Variants in RPAP3 observed in about 807,000 individuals in gnomAD.
RPAP3 encodes the protein RNA polymerase II-associated protein 3.
In RPAP3, 58 loss-of-function variants were observed where a neutral mutation model predicts 88.8. The ratio of observed to expected loss-of-function variants is 0.65; its 90% CI spans 0.53 to 0.81. The LOEUF is 0.81. Among genes scored for constraint, RPAP3 ranks in the 40% least tolerant of loss-of-function variants. RPAP3 has a pLI of 0.00. For missense variants in RPAP3, 751 were observed against 764.3 expected (o/e 0.98, Z 0.20); for synonymous variants, 255 against 259.9 (o/e 0.98, Z 0.18).
At chr12:47,672,329 T>C (rs1939015783) in intron 12 of RPAP3, among the ~76,000 whole-genome samples, 1 of 152,222 alleles carries the variant, frequency 6.6e-6, no homozygotes, top group Non-Finnish European at 1.5e-5. Context: ...TTCTCTACTT[T>C]CCGTAGTCTT....
chr12:47,673,198 T>A (rs1939035761), intron 12 of RPAP3, among the ~76,000 whole-genome samples: 1 of 151,972 alleles, frequency 6.6e-6, no homozygotes, highest in South Asian at 2.1e-4. Context: ...ATCCTAGCAC[T>A]TTGGGAGGCC....
chr12:47,669,043 T>C lies in RPAP3; in HGVS notation c.1586A>G (p.Glu529Gly). The C allele has an allele frequency of 6.2e-7, 1 of 1,614,024 alleles. No individual in the cohort carries two copies. ...AAACTGAGCAGGTTTTTGTTCTATC[T>C]CTATGGGCATTTTCTCGCTGTAAGA... ...CQSYSEKMPI[E>G]IEQKPAQFAT... Residue 529 changes from glutamate (E) to glycine (G), a missense_variant, in exon 14 of 17, where the codon GAG becomes GGG. Transcript: ENST00000005386.
At chr12:47,700,564 C>T (rs537189107) in intron 3 of RPAP3, among the ~76,000 whole-genome samples, 2 of 152,280 alleles carry the variant, frequency 1.3e-5, no homozygotes, top group South Asian at 2.1e-4. Flanking sequence ...CACATCAACC[C>T]TTAAAGTAGA....
chr12:47,667,913 A>G (rs1432611982), intron 14 of RPAP3, 62 bp from the exon 15 acceptor site: 4 of 1,068,936 alleles, frequency 3.7e-6, no homozygotes, highest in Non-Finnish European at 5.6e-6. Context: ...CAAATTACAC[A>G]ACAATTGCTT....
chr12:47,677,750 CA>C (rs1191194072), intron 12 of RPAP3, among the ~76,000 whole-genome samples: 2 of 152,060 alleles, frequency 1.3e-5, no homozygotes, highest in Non-Finnish European at 2.9e-5. Context: ...TAAAAGAGGA[CA>C]CAAACAAATG....
intron 3 of RPAP3, chr12:47,700,002 T>C (rs1939625673): frequency 6.7e-6 from 1 of 150,330 alleles, no homozygotes; most frequent in Non-Finnish European, 1.5e-5. Context: ...TTTTTTTTTT[T>C]TTTTTTTTTG....
chr12:47,668,466 A>G (rs535333522), intron 14 of RPAP3, among the ~76,000 whole-genome samples: 2 of 152,336 alleles, frequency 1.3e-5, no homozygotes, highest in South Asian at 2.1e-4. Context: ...GTAATTTTAT[A>G]TTGCATAATT....
At chr12:47,675,505 A>G (rs1002046357) in intron 12 of RPAP3, among the ~76,000 whole-genome samples, 3 of 152,246 alleles carry the variant, frequency 2.0e-5, no homozygotes, top group African/African-American at 7.2e-5. Flanking sequence ...GACCCATCTC[A>G]CGTGCAAAGA....
intron 12 of RPAP3, among the ~76,000 whole-genome samples, chr12:47,672,058 G>A (rs1286567162): frequency 6.6e-6 from 1 of 151,706 alleles, no homozygotes; most frequent in Non-Finnish European, 1.5e-5. Context: ...AACAGGTGAA[G>A]TTTTGACATC....
At chr12:47,686,559 C>T (rs1187358294) in intron 9 of RPAP3, among the ~76,000 whole-genome samples, 1 of 151,602 alleles carries the variant, frequency 6.6e-6, no homozygotes, top group African/African-American at 2.4e-5. Context: ...CACACACACA[C>T]ACACACACAC....
intron 11 of RPAP3, 22 bp from the exon 12 acceptor site, chr12:47,679,616 C>T (rs759490830): frequency 1.3e-6 from 2 of 1,542,182 alleles, no homozygotes; most frequent in South Asian, 1.2e-5. Flanking sequence ...ATTTATAACC[C>T]TAACTTTCAA....
intron 15 of RPAP3, among the ~76,000 whole-genome samples, chr12:47,667,513 A>G (rs959118061): frequency 4.6e-5 from 7 of 152,248 alleles, no homozygotes; most frequent in African/African-American, 1.7e-4. Flanking sequence ...CATTGGAAAT[A>G]GCATAGCATC....
chr12:47,686,565 C>CACAA (rs1242796304), intron 9 of RPAP3, among the ~76,000 whole-genome samples: 2 of 151,734 alleles, frequency 1.3e-5, no homozygotes, highest in Non-Finnish European at 2.9e-5. Flanking sequence ...CACACACACA[C>CACAA]ACACACACAC....
At chr12:47,681,550 A>G in intron 10 of RPAP3, 146 bp downstream of exon 10, 1 of 806,088 alleles carries the variant, frequency 1.2e-6, no homozygotes, top group South Asian at 1.9e-5. Flanking sequence ...CATTCCTCCA[A>G]ATCTATTCGT....
intron 3 of RPAP3, among the ~76,000 whole-genome samples, 163 bp from the exon 4 acceptor site, chr12:47,697,882 C>G (rs937935738): frequency 6.6e-5 from 10 of 152,070 alleles, no homozygotes; most frequent in African/African-American, 2.4e-4. Context: ...AAGATTATAT[C>G]CAGAGAAAAA....
At chr12:47,679,294 G>A (rs1433468957) in intron 12 of RPAP3, among the ~76,000 whole-genome samples, 199 bp downstream of exon 12, 1 of 152,102 alleles carries the variant, frequency 6.6e-6, no homozygotes, top group Non-Finnish European at 1.5e-5. Context: ...AATACCTAAT[G>A]TAAATGATGA....
rs1241665753 is a variant in RPAP3, at chr12:47,697,675, C to T, written c.339G>A (p.Glu113=). 2 of 1,609,746 alleles carry T rather than the reference C, an allele frequency of 1.2e-6. No individual in the cohort carries two copies. Among genetic ancestry groups the T allele is most frequent in the Non-Finnish European group, 1.7e-6 (2 of 1,177,924 alleles). The part of the protein sequence containing the change: ...DELDKDDSTH[E]SLSQESESEE... ...CCGACTCTGATTCTTGAGACAGAGA[C>T]TCATGGGTACTATCGTCTTTGTCAA... Residue 113 remains glutamate (E), a synonymous_variant, in exon 4 of 17, where the codon GAG becomes GAA. Coordinates refer to ENST00000005386, the MANE Select transcript of RPAP3 (RefSeq NM_024604.3).
chr12:47,689,392 T>G (rs1342140773), intron 6 of RPAP3, among the ~76,000 whole-genome samples, 197 bp from the exon 7 acceptor site: 1 of 152,144 alleles, frequency 6.6e-6, no homozygotes, highest in Non-Finnish European at 1.5e-5. Flanking sequence ...CCAGGCTGAG[T>G]GCAGTGGCGC....
Position 47,697,689 on chromosome 12 carries a change from C to A in RPAP3, c.325G>T (p.Asp109Tyr). The change falls in exon 4 of 17, where the codon GAT becomes TAT. Residue 109 changes from aspartate (D) to tyrosine (Y), a missense_variant. Coordinates refer to ENST00000005386, the MANE Select transcript of RPAP3 (RefSeq NM_024604.3). ...DRILDELDKD[D>Y]STHESLSQES... The stretch of plus-strand genomic sequence containing the variant: ...TGAGACAGAGACTCATGGGTACTAT[C>A]GTCTTTGTCAAGCTCATCAAGGATA... 4 of 1,607,178 alleles carry A rather than the reference C, an allele frequency of 2.5e-6. No homozygotes were observed. The highest frequency in any genetic ancestry group is 3.4e-6 in the Non-Finnish European group (4 of 1,177,120).
Sources: allele counts gnomAD v4.1 joint callset (sites outside exome capture counted in the v4.1 genomes callset), GRCh38; gene constraint gnomAD v4.1.1; transcripts MANE v1.5; gene names NCBI Gene and HGNC (gene_info 2026-07-23, HGNC 2026-07-21).